Variants in MSRA observed in about 807,000 individuals in gnomAD.
The protein encoded by MSRA is methionine sulfoxide reductase A.
A neutral mutation model predicts 31.3 loss-of-function variants in MSRA; 54 were observed. That is an observed-to-expected ratio of 1.73 (90% CI 1.39 to 2.17). The LOEUF is 2.17. MSRA is among the 30% of genes most tolerant of loss of function. MSRA has a pLI of 0.00. For missense variants in MSRA, 507 were observed against 300.9 expected, an observed-to-expected ratio of 1.69 and a Z score of -5.07; for synonymous variants, 169 against 116.5, an observed-to-expected ratio of 1.45 and a Z score of -2.90.
At position 10,253,251 on chromosome 8, in the gene MSRA, G is replaced by A. The variant is rs117010154; in HGVS notation, c.331+8028G>A. Among the ~76,000 whole-genome samples the A allele has an allele frequency of 7.0e-3, 1,067 of 152,328 alleles. 13 individuals carry two copies. Among genetic ancestry groups the A allele is most frequent in the South Asian group, 0.019 (91 of 4,824 alleles). On this transcript the variant is annotated intron_variant, in intron 3 of 5. Transcript: ENST00000317173. ...GTTCTTTGTCATTGAAGGGCAAGGG[G>A]TGAGTGAATTGGATGGTTTATGGAC...
At chr8:10,114,029 T>C (rs572173711) in intron 1 of MSRA, among the ~76,000 whole-genome samples, 1 of 152,356 alleles carries the variant, frequency 6.6e-6, no homozygotes, top group East Asian at 1.9e-4. Flanking sequence ...TTGTCTATTC[T>C]GGACCTTTCA....
At chr8:10,312,001 A>T (rs1429287047) in intron 4 of MSRA, among the ~76,000 whole-genome samples, 1 of 152,232 alleles carries the variant, frequency 6.6e-6, no homozygotes, top group Non-Finnish European at 1.5e-5. Context: ...GATAATTAAA[A>T]TACTGTATGT....
At chr8:10,296,946 C>G (rs141721590) in intron 3 of MSRA, among the ~76,000 whole-genome samples, 4 of 152,210 alleles carry the variant, frequency 2.6e-5, no homozygotes, top group African/African-American at 4.8e-5. Flanking sequence ...GGGCCAGTTC[C>G]CTGCTCTCTT....
At chr8:10,406,292 C>G (rs1807814730) in intron 5 of MSRA, among the ~76,000 whole-genome samples, 1 of 152,220 alleles carries the variant, frequency 6.6e-6, no homozygotes, top group Non-Finnish European at 1.5e-5. Flanking sequence ...GTTCCTTAAC[C>G]TCTCTGAACC....
In MSRA at chr8:10,252,370, A is replaced by G. The variant is rs539121163; in HGVS notation, c.331+7147A>G. ...GGAAATGTTAAGATGTGAAGAGATC[A>G]TAGTTTTGTCATTTGGTTCCTGTTT... On this transcript the variant is annotated intron_variant, in intron 3 of 5. Coordinates refer to ENST00000317173, the MANE Select transcript of MSRA (RefSeq NM_012331.5). 3.3e-5 allele frequency among the ~76,000 whole-genome samples: 5 copies of G among 152,322 alleles called. No individual in the cohort carries two copies. The South Asian group carries it at 1.0e-3, about 32-fold the overall frequency.
intron 3 of MSRA, among the ~76,000 whole-genome samples, chr8:10,249,980 C>T (rs921613540): frequency 6.6e-6 from 1 of 152,118 alleles, no homozygotes; most frequent in Admixed American, 6.5e-5. Flanking sequence ...TGCACCAGGT[C>T]CTAGGGGAAG....
In MSRA at chr8:10,345,345, G is replaced by C. The variant is rs1803702700; in HGVS notation, c.543+25356G>C. On this transcript the variant is annotated intron_variant, in intron 5 of 5. Coordinates refer to ENST00000317173, the MANE Select transcript of MSRA (RefSeq NM_012331.5). ...GAATAGGTTACTAAGCATGTAAGGA[G>C]GGCCAGCCTGAGTTTGAGGTATTTT... Among the ~76,000 whole-genome samples the C allele has an allele frequency of 3.9e-5, 6 of 152,286 alleles. No individual in the cohort carries two copies. In the South Asian group the frequency reaches 1.2e-3, roughly 32 times the overall value.
In MSRA at chr8:10,319,897, A is replaced by G; in HGVS notation, c.451A>G (p.Asn151Asp). The G allele has an allele frequency of 6.4e-7, 1 of 1,556,602 alleles. No individual in the cohort carries two copies. The highest frequency in any genetic ancestry group is 1.3e-5 in the South Asian group (1 of 79,868). The change falls in exon 5 of 6, where the codon AAC becomes GAC. Residue 151 changes from asparagine to aspartate, a missense_variant. Asn to Asp is a conservative substitution (Grantham distance 23). Coordinates refer to ENST00000317173, the MANE Select transcript of MSRA (RefSeq NM_012331.5). Reference sequence around the variant, plus strand: ...TGCTTTCCTAGGTATGCGCCAGGGGAACGACCATGGCACTCAGTACCGCTC... The same window carrying G: ...TGCTTTCCTAGGTATGCGCCAGGGGGACGACCATGGCACTCAGTACCGCTC... Reference protein sequence around the residue: ...HDPTQGMRQGNDHGTQYRSAI... With the variant: ...HDPTQGMRQGDDHGTQYRSAI...
At chr8:10,302,448 G>A (rs967352974) in intron 4 of MSRA, among the ~76,000 whole-genome samples, 9 of 152,224 alleles carry the variant, frequency 5.9e-5, no homozygotes, top group South Asian at 2.1e-4. Context: ...TTTCACCAAA[G>A]TATTTTCTCT....
intron 5 of MSRA, among the ~76,000 whole-genome samples, chr8:10,419,066 G>A (rs1808655182): frequency 6.6e-6 from 1 of 152,130 alleles, no homozygotes; most frequent in African/African-American, 2.4e-5. Flanking sequence ...TGCACATGCA[G>A]GCCCCTCCCT....
intron 2 of MSRA, among the ~76,000 whole-genome samples, chr8:10,210,028 C>T (rs1809333681): frequency 6.6e-6 from 1 of 152,192 alleles, no homozygotes; most frequent in Non-Finnish European, 1.5e-5. Context: ...AGATGATCCT[C>T]ACTTTCTATC....
intron 5 of MSRA, 29 bp downstream of exon 5, chr8:10,320,018 G>T: frequency 6.7e-7 from 1 of 1,496,592 alleles, no homozygotes; most frequent in Non-Finnish European, 9.2e-7. Flanking sequence ...CTAGCCCCTG[G>T]CTTAGGCCAC....
At chr8:10,133,928 T>G (rs1380642784) in intron 1 of MSRA, among the ~76,000 whole-genome samples, 1 of 152,126 alleles carries the variant, frequency 6.6e-6, no homozygotes, top group Non-Finnish European at 1.5e-5. Flanking sequence ...TCTCCTGGGT[T>G]CAAGTGATTC....
chr8:10,121,982 T>C (rs981802321), intron 1 of MSRA, among the ~76,000 whole-genome samples: 2 of 152,062 alleles, frequency 1.3e-5, no homozygotes, highest in Non-Finnish European at 2.9e-5. Context: ...TGTAAATGTT[T>C]TGTAGGACTT....
chr8:10,146,199 A>G (rs1368141173), intron 1 of MSRA, among the ~76,000 whole-genome samples: 3 of 152,208 alleles, frequency 2.0e-5, no homozygotes, highest in Non-Finnish European at 4.4e-5. Context: ...GGAAGAACCC[A>G]TATTTGCTTT....
At chr8:10,197,902 C>T (rs1808135964) in intron 1 of MSRA, among the ~76,000 whole-genome samples, 1 of 152,168 alleles carries the variant, frequency 6.6e-6, no homozygotes, top group African/African-American at 2.4e-5. Flanking sequence ...TGCCCACAAC[C>T]CTGGGAAGAA....
intron 1 of MSRA, among the ~76,000 whole-genome samples, chr8:10,066,530 T>G (rs1327729988): frequency 6.6e-6 from 1 of 152,110 alleles, no homozygotes; most frequent in African/African-American, 2.4e-5. Context: ...GTTCAGCTGA[T>G]ATATCTGTTT....
chr8:10,384,081 T>G (rs1281761912), intron 5 of MSRA, among the ~76,000 whole-genome samples: 1 of 152,126 alleles, frequency 6.6e-6, no homozygotes, highest in Non-Finnish European at 1.5e-5. Flanking sequence ...ACTGTGACAT[T>G]TAGCTGCCAG....
intron 1 of MSRA, among the ~76,000 whole-genome samples, chr8:10,088,175 A>G (rs534402348): frequency 1.4e-4 from 21 of 152,234 alleles, no homozygotes; most frequent in African/African-American, 5.1e-4. Context: ...CTGTAGAAAG[A>G]CTTCCCCATG....
Sources: allele counts gnomAD v4.1 joint callset (sites outside exome capture counted in the v4.1 genomes callset), GRCh38; gene constraint gnomAD v4.1.1; transcripts MANE v1.5; gene names NCBI Gene and HGNC (gene_info 2026-07-23, HGNC 2026-07-21).